KCNH8: variants seen among roughly 807,000 people sequenced by gnomAD.
KCNH8 encodes voltage-gated delayed rectifier potassium channel KCNH8.
In KCNH8, 70 loss-of-function variants were observed where a neutral mutation model predicts 103.6. That is an observed-to-expected ratio of 0.68 (90% CI 0.56 to 0.82). The LOEUF is 0.82. KCNH8 is among the 40% of genes least tolerant of loss of function. The pLI is 0.00. For synonymous variants in KCNH8, 498 were observed against 489.4 expected (o/e 1.02, Z -0.23); for missense variants, 1,217 against 1,329.9 (o/e 0.92, Z 1.32).
At chr3:19,202,249 A>G (rs1247350294) in intron 1 of KCNH8, among the ~76,000 whole-genome samples, 2 of 152,118 alleles carry the variant, frequency 1.3e-5, no homozygotes, top group African/African-American at 4.8e-5. Context: ...TGAAGTTTTC[A>G]GTTTTTAAGG....
At chr3:19,333,536 C>A (rs759543810) in intron 3 of KCNH8, among the ~76,000 whole-genome samples, 1 of 152,276 alleles carries the variant, frequency 6.6e-6, no homozygotes, top group African/African-American at 2.4e-5. Flanking sequence ...CTGACTCTGG[C>A]AGTATGCTAT....
intron 1 of KCNH8, among the ~76,000 whole-genome samples, chr3:19,234,535 G>C (rs1291130368): frequency 1.3e-5 from 2 of 152,226 alleles, no homozygotes; most frequent in Non-Finnish European, 2.9e-5. Flanking sequence ...GCCAATCCGA[G>C]TGCGGGGTCC....
At chr3:19,200,795 G>T (rs114414390) in intron 1 of KCNH8, among the ~76,000 whole-genome samples, 226 of 152,050 alleles carry the variant, frequency 1.5e-3, no homozygotes, top group African/African-American at 4.9e-3. Flanking sequence ...CTTTTATAGT[G>T]AGAGTTCATT....
At chr3:19,158,749 A>AT (rs1032233344) in intron 1 of KCNH8, among the ~76,000 whole-genome samples, 1 of 151,754 alleles carries the variant, frequency 6.6e-6, no homozygotes, top group Non-Finnish European at 1.5e-5. Context: ...TATGTTATTA[A>AT]TTTTTTTAAC....
At chr3:19,333,230 C>A (rs2125311470) in intron 3 of KCNH8, among the ~76,000 whole-genome samples, 1 of 152,068 alleles carries the variant, frequency 6.6e-6, no homozygotes, top group East Asian at 1.9e-4. Context: ...ATTCAGAGTT[C>A]TTTATATATT....
intron 3 of KCNH8, among the ~76,000 whole-genome samples, chr3:19,339,511 C>T (rs1408267950): frequency 1.3e-5 from 2 of 151,952 alleles, no homozygotes; most frequent in African/African-American, 4.8e-5. Context: ...CTATGTAAGT[C>T]AAAAAATTTA....
At chr3:19,213,541 C>G (rs760444255) in intron 1 of KCNH8, among the ~76,000 whole-genome samples, 51 of 152,276 alleles carry the variant, frequency 3.3e-4, no homozygotes, top group Non-Finnish European at 5.9e-4. Flanking sequence ...TCCCCAATCC[C>G]CCAGTTTTCT....
intron 11 of KCNH8, among the ~76,000 whole-genome samples, chr3:19,478,116 T>G (rs939277541): frequency 1.3e-5 from 2 of 152,170 alleles, no homozygotes; most frequent in Non-Finnish European, 2.9e-5. Context: ...CCTAGTAGTA[T>G]TCCATGGTTT....
intron 11 of KCNH8, among the ~76,000 whole-genome samples, chr3:19,503,818 A>T (rs1222502261): frequency 6.6e-6 from 1 of 151,852 alleles, no homozygotes; most frequent in East Asian, 1.9e-4. Context: ...TAGGAGATAT[A>T]CCTAATGCTA....
chr3:19,512,860 G>GT (rs2125242425), intron 12 of KCNH8, 110 bp from the exon 13 acceptor site: 1 of 953,312 alleles, frequency 1.0e-6, no homozygotes, highest in Non-Finnish European at 1.6e-6. Context: ...TTAATGAAAA[G>GT]TAAGTCTCTA....
chr3:19,455,260 C>T (rs1244237977), intron 10 of KCNH8, among the ~76,000 whole-genome samples: 1 of 152,088 alleles, frequency 6.6e-6, no homozygotes, highest in Non-Finnish European at 1.5e-5. Flanking sequence ...AGTGTTTCCC[C>T]CACCAATTTC....
Position 19,217,854 on chromosome 3 carries a change from C to A in KCNH8, c.77-35800C>A, listed in dbSNP as rs2063832764. 4.6e-5 allele frequency among the ~76,000 whole-genome samples: 7 copies of A among 152,122 alleles called. No individual in the cohort carries two copies. In the South Asian group the frequency reaches 8.3e-4, roughly 18 times the overall value. On this transcript the variant is annotated intron_variant, in intron 1 of 15. Transcript: ENST00000328405. Reference sequence around the variant, plus strand: ...GGCTTTCTGAGTTAACTTAGACTTACCTTATTTAGTTTGTTTGGGACTATG... The same window carrying A: ...GGCTTTCTGAGTTAACTTAGACTTAACTTATTTAGTTTGTTTGGGACTATG...
chr3:19,355,882 T>TAA (rs1010487096), intron 5 of KCNH8, among the ~76,000 whole-genome samples: 133 of 140,274 alleles, frequency 9.5e-4, no homozygotes, highest in African/African-American at 3.6e-3. Context: ...TAAAGTATAA[T>TAA]AAAATATATA....
intron 5 of KCNH8, among the ~76,000 whole-genome samples, chr3:19,379,527 C>G (rs1017256061): frequency 1.3e-5 from 2 of 152,030 alleles, no homozygotes; most frequent in African/African-American, 4.8e-5. Flanking sequence ...ATAGTCCCAG[C>G]TGCTTGGGAG....
intron 4 of KCNH8, among the ~76,000 whole-genome samples, chr3:19,345,175 G>T (rs1010465202): frequency 6.6e-6 from 1 of 152,030 alleles, no homozygotes; most frequent in Admixed American, 6.6e-5. Context: ...AAATGAGAAT[G>T]ATATGATGCA....
rs370491247 is a variant in KCNH8 at position 19,515,457 on chromosome 3, G to A, written c.2542+29G>A. 2.5e-3 allele frequency: 2,870 copies of A among 1,163,498 alleles called. 10 individuals carry two copies. Among genetic ancestry groups the A allele is most frequent in the Non-Finnish European group, 3.1e-3 (2,602 of 846,636 alleles). The allele number at this position is 1,163,498 out of a possible 1,614,324, so 72.1% of individuals were successfully genotyped here. On this transcript the variant is annotated intron_variant, in intron 14 of 15. Coordinates refer to ENST00000328405, the MANE Select transcript of KCNH8 (RefSeq NM_144633.3). Reference sequence around the variant, plus strand: ...AGATCTATATTTAGTCTTCTCCTAAGGTAAAATATTTCTTATTAACTTGTA... The same window carrying A: ...AGATCTATATTTAGTCTTCTCCTAAAGTAAAATATTTCTTATTAACTTGTA...
intron 2 of KCNH8, among the ~76,000 whole-genome samples, chr3:19,269,127 C>T: frequency 6.6e-6 from 1 of 152,120 alleles, no homozygotes; most frequent in East Asian, 1.9e-4. Flanking sequence ...CCACAGAGCA[C>T]TGTTGATGAG....
intron 5 of KCNH8, among the ~76,000 whole-genome samples, chr3:19,360,390 G>T (rs2125328702): frequency 6.6e-6 from 1 of 152,190 alleles, no homozygotes; most frequent in African/African-American, 2.4e-5. Flanking sequence ...GGCAAACCAA[G>T]TGTCAGAGGC....
rs1256141174 is a variant in KCNH8, at chr3:19,451,243, C to T, written c.1664C>T (p.Ala555Val). ...EILQLSLFECASRGCLRSLSL... is the reference protein window; with the variant it reads ...EILQLSLFECVSRGCLRSLSL... ...TTACAGTTGTCCCTTTTTGAATGTG[C>T]CAGCCGGGGCTGCCTCAGGTCTCTG... Residue 555 changes from alanine (A) to valine (V), a missense_variant, in exon 10 of 16, where the codon GCC (alanine) becomes GTC (valine). Physicochemically the swap from Ala to Val is moderately conservative, Grantham distance 64 (BLOSUM62 0). Around this residue, in one of 3 missense-constraint regions of KCNH8, gnomAD observed 415 missense variants for 577.4 expected, o/e 0.72. Coordinates refer to ENST00000328405, the MANE Select transcript of KCNH8 (RefSeq NM_144633.3). 1 of 1,613,694 alleles carries T rather than the reference C, an allele frequency of 6.2e-7. No individual in the cohort carries two copies. Among genetic ancestry groups the T allele is most frequent in the Non-Finnish European group, 8.5e-7 (1 of 1,179,810 alleles).
Sources: allele counts gnomAD v4.1 joint callset (sites outside exome capture counted in the v4.1 genomes callset), GRCh38; gene constraint gnomAD v4.1.1; regional missense constraint gnomAD v4.1.1; transcripts MANE v1.5; gene names NCBI Gene and HGNC (gene_info 2026-07-23, HGNC 2026-07-21).